CHORDC1: variants seen among roughly 807,000 people sequenced by gnomAD.
The protein encoded by CHORDC1 is cysteine and histidine rich domain containing 1.
Under a neutral mutation model 48.3 loss-of-function variants are expected in CHORDC1, and 25 were observed. The ratio of observed to expected loss-of-function variants is 0.52; its 90% CI spans 0.38 to 0.72. The LOEUF (loss-of-function observed/expected upper bound fraction) is 0.72, where lower values mean the gene tolerates loss of function less well. CHORDC1 is among the 30% of genes least tolerant of loss of function. CHORDC1 has a pLI of 0.00. For missense variants in CHORDC1, 317 were observed against 388.7 expected (o/e 0.82, Z 1.55); for synonymous variants, 128 against 126.4 (o/e 1.01, Z -0.09).
At chr11:90,211,374 A>T in intron 4 of CHORDC1, 56 bp from the exon 5 acceptor site, 1 of 1,108,412 alleles carries the variant, frequency 9.0e-7, no homozygotes, top group Non-Finnish European at 1.4e-6. Flanking sequence ...ATTTCTTTGT[A>T]CTCCAAATTA....
At chr11:90,218,261 G>T in intron 1 of CHORDC1, 77 bp from the exon 2 acceptor site, 1 of 1,089,540 alleles carries the variant, frequency 9.2e-7, no homozygotes, top group Admixed American at 3.0e-5. Flanking sequence ...ATCTCCTTAA[G>T]GTGTTAACCT....
rs1857942143 is a variant in CHORDC1, at chr11:90,214,079, G to A, written c.268C>T (p.Pro90Ser). The A allele has an allele frequency of 3.1e-6, 5 of 1,613,562 alleles. No homozygotes were observed. Among genetic ancestry groups the A allele is most frequent in the Non-Finnish European group, 4.2e-6 (5 of 1,179,634 alleles). Residue 90 changes from proline to serine, a missense_variant, in exon 4 of 11, where the codon CCC becomes TCC. By Grantham distance (74) the Pro-to-Ser change is moderately conservative. Coordinates refer to ENST00000320585, the MANE Select transcript of CHORDC1 (RefSeq NM_012124.3). Reference protein sequence around the residue: ...TEKKELCELKPKFQEHIIQAP... With the variant: ...TEKKELCELKSKFQEHIIQAP... ...TGAATGATGTGTTCCTGAAATTTGGGTTTTAATTCACATAGCTCCTTCTTC... is the reference window on the plus strand; with the variant it reads ...TGAATGATGTGTTCCTGAAATTTGGATTTTAATTCACATAGCTCCTTCTTC...
chr11:90,205,624 A>G, intron 7 of CHORDC1, 59 bp from the exon 8 acceptor site: 1 of 1,056,218 alleles, frequency 9.5e-7, no homozygotes, highest in South Asian at 1.4e-5. Context: ...TAAATCCACA[A>G]GTATTTTAGG....
intron 10 of CHORDC1, 39 bp from the exon 11 acceptor site, chr11:90,202,590 G>C (rs1372972682): frequency 1.3e-6 from 2 of 1,598,734 alleles, no homozygotes; most frequent in Admixed American, 1.7e-5. Context: ...AACCTCAGTA[G>C]TTTTATTAGT....
At chr11:90,204,063 T>C (rs1474197428) in intron 8 of CHORDC1, among the ~76,000 whole-genome samples, 2 of 152,166 alleles carry the variant, frequency 1.3e-5, no homozygotes, top group African/African-American at 4.8e-5. Flanking sequence ...TTTAGTTACA[T>C]AATTCAGGAA....
intron 4 of CHORDC1, chr11:90,211,685 G>A (rs938153766): frequency 1.1e-5 from 2 of 179,740 alleles, no homozygotes; most frequent in African/African-American, 2.4e-5. Context: ...GCTCAATGCT[G>A]AGCACATAAT....
intron 8 of CHORDC1, among the ~76,000 whole-genome samples, chr11:90,205,018 A>G (rs866781916): frequency 1.8e-4 from 27 of 152,126 alleles, no homozygotes; most frequent in African/African-American, 6.3e-4. Context: ...CAAGACTGCA[A>G]TCCTCCTCTC....
chr11:90,209,232 C>T, intron 6 of CHORDC1: 1 of 152,226 alleles, frequency 6.6e-6, no homozygotes, highest in East Asian at 1.9e-4. Flanking sequence ...AAGTATAAAC[C>T]TGCCCCCACC....
chr11:90,219,255 C>T (rs1441651455), intron 1 of CHORDC1, among the ~76,000 whole-genome samples: 1 of 150,378 alleles, frequency 6.6e-6, no homozygotes, highest in African/African-American at 2.5e-5. Flanking sequence ...CAGAGCAAGA[C>T]TCCATCTTAA....
intron 1 of CHORDC1, among the ~76,000 whole-genome samples, chr11:90,220,878 T>TA (rs1411125376): frequency 2.0e-5 from 3 of 151,864 alleles, no homozygotes; most frequent in Non-Finnish European, 2.9e-5. Context: ...ATACGTCGAT[T>TA]AAAAAAAATA....
intron 3 of CHORDC1, 151 bp from the exon 4 acceptor site, chr11:90,214,326 A>G: frequency 1.5e-6 from 1 of 646,156 alleles, no homozygotes; most frequent in Non-Finnish European, 2.4e-6. Context: ...CAGAACTCCA[A>G]ATTTGCCATA....
At chr11:90,213,335 A>C (rs1296386580) in intron 4 of CHORDC1, 2 of 31,808 alleles carry the variant, frequency 6.3e-5, no homozygotes, top group Non-Finnish European at 1.7e-4. Flanking sequence ...ACTTGCAGCC[A>C]AAAAAAAAAA....
rs375458529 is a variant in CHORDC1, at chr11:90,202,355, C to A, written c.*50G>T. ...TACAGCAGCAAGCCACCACTTCACA[C>A]AGTATTAAAAATTCGGAAATAATGT... On this transcript the variant is annotated 3_prime_UTR_variant, in exon 11 of 11. Transcript: ENST00000320585. The A allele has an allele frequency of 1.3e-6, 2 of 1,542,114 alleles. No homozygotes were observed. The highest frequency in any genetic ancestry group is 1.8e-6 in the Non-Finnish European group (2 of 1,119,954).
Position 90,202,443 on chromosome 11 carries a change from T to A in CHORDC1, c.961A>T (p.Lys321Ter). 1 of 1,612,054 alleles carries A rather than the reference T, an allele frequency of 6.2e-7. No individual in the cohort carries two copies. Residue 321 changes from lysine to a stop codon, truncating the protein, a stop_gained, in exon 11 of 11, where the codon AAA (lysine) becomes TAA (stop). Coordinates refer to ENST00000320585, the MANE Select transcript of CHORDC1 (RefSeq NM_012124.3). LOFTEE classifies it high-confidence loss of function. ...GCATCTTTTTGTTTTTCCTGCTTTTTAGCTGCAGGCAGTTCAAGGCTTGCC... is the reference window on the plus strand; with the variant it reads ...GCATCTTTTTGTTTTTCCTGCTTTTAAGCTGCAGGCAGTTCAAGGCTTGCC... ...QWASLELPAA[K>*]KQEKQKDATT...
chr11:90,215,258 A>C (rs763595745), intron 2 of CHORDC1, 28 bp from the exon 3 acceptor site: 1 of 1,481,124 alleles, frequency 6.8e-7, no homozygotes, highest in South Asian at 1.3e-5. Context: ...AGGAAACTAA[A>C]AACTCTATTT....
Position 90,203,438 on chromosome 11 carries a change from A to G in CHORDC1, c.670-11T>C. 2.6e-6 allele frequency: 4 copies of G among 1,532,060 alleles called. No individual in the cohort carries two copies. The highest frequency in any genetic ancestry group is 3.6e-6 in the Non-Finnish European group (4 of 1,124,132). The allele number at this position is 1,532,060 out of a possible 1,614,324, so 94.9% of individuals were successfully genotyped here. A position where few individuals can be genotyped will look rare whatever the true frequency, so the allele number is the denominator to read the frequency against. ...AACAACTTTTTTCCCCTGTAATGTA[A>G]GAGAAACTCTGTAAGTTAAAAAAGT... On this transcript the variant is annotated splice_polypyrimidine_tract_variant and intron_variant, in intron 8 of 10. Transcript: ENST00000320585.
chr11:90,215,128 CATGT>C, intron 3 of CHORDC1, 42 bp downstream of exon 3: 1 of 1,101,374 alleles, frequency 9.1e-7, no homozygotes, highest in South Asian at 1.6e-5. Flanking sequence ...CTTTCTATAA[CATGT>C]ATTTTTAGGA....
At chr11:90,215,715 A>G (rs192224064) in intron 2 of CHORDC1, among the ~76,000 whole-genome samples, 1 of 152,194 alleles carries the variant, frequency 6.6e-6, no homozygotes, top group Non-Finnish European at 1.5e-5. Context: ...AAGCACTATT[A>G]AGCCTTTGAA....
intron 10 of CHORDC1, 34 bp from the exon 11 acceptor site, chr11:90,202,585 C>T (rs2135023853): frequency 1.2e-6 from 2 of 1,604,412 alleles, no homozygotes; most frequent in South Asian, 1.1e-5. Context: ...CAGGAAACCT[C>T]AGTAGTTTTA....
Sources: allele counts gnomAD v4.1 joint callset (sites outside exome capture counted in the v4.1 genomes callset), GRCh38; gene constraint gnomAD v4.1.1; transcripts MANE v1.5; gene names NCBI Gene and HGNC (gene_info 2026-07-23, HGNC 2026-07-21).